The following TC2N variants were observed in gnomAD, a reference collection of about 807,000 sequenced individuals.
TC2N encodes tandem C2 domains nuclear protein.
TC2N carries 51 observed loss-of-function variants against 61.9 expected under a neutral mutation model. The ratio of observed to expected loss-of-function variants is 0.82; its 90% CI spans 0.66 to 1.04. TC2N has a LOEUF of 1.04. Ranked by LOEUF, TC2N falls within the 50% of genes least tolerant of loss-of-function variation. TC2N has a pLI of 0.00. For missense variants in TC2N, 556 were observed against 566.7 expected (o/e 0.98, Z 0.19); for synonymous variants, 204 against 192.6 (o/e 1.06, Z -0.49).
chr14:91,836,001 G>T (rs895660120), intron 1 of TC2N, among the ~76,000 whole-genome samples: 1 of 152,030 alleles, frequency 6.6e-6, no homozygotes, highest in African/African-American at 2.4e-5. Flanking sequence ...ACCTAGCCTC[G>T]CCCCGTCGCC....
intron 3 of TC2N, among the ~76,000 whole-genome samples, chr14:91,811,179 T>C (rs1254581085): frequency 6.6e-6 from 1 of 152,136 alleles, no homozygotes; most frequent in Non-Finnish European, 1.5e-5. Flanking sequence ...TATATATGTT[T>C]AAGTGTTTGC....
In TC2N at chr14:91,782,834, T is replaced by A; in HGVS notation, c.*266A>T. Reference sequence around the variant, plus strand: ...ATGGTTGATATTCTCACAGACTTTATAATTTATTTAGTCATCCTAATAATA... The same window carrying A: ...ATGGTTGATATTCTCACAGACTTTAAAATTTATTTAGTCATCCTAATAATA... On this transcript the variant is annotated 3_prime_UTR_variant, in exon 12 of 12. Transcript: ENST00000435962. The A allele has an allele frequency of 2.9e-6, 1 of 347,388 alleles. No individual in the cohort carries two copies. Among genetic ancestry groups the A allele is most frequent in the Non-Finnish European group, 5.2e-6 (1 of 192,166 alleles). The allele number at this position is 347,388 out of a possible 1,614,324, so 21.5% of individuals were successfully genotyped here.
At chr14:91,851,934 T>C (rs1271549437) in intron 1 of TC2N, among the ~76,000 whole-genome samples, 2 of 152,262 alleles carry the variant, frequency 1.3e-5, no homozygotes, top group Non-Finnish European at 2.9e-5. Flanking sequence ...AAAAGTATTT[T>C]CTGAATTATC....
intron 8 of TC2N, among the ~76,000 whole-genome samples, chr14:91,796,884 T>C (rs1885923853): frequency 6.6e-6 from 1 of 152,146 alleles, no homozygotes; most frequent in Non-Finnish European, 1.5e-5. Flanking sequence ...GGTACACCAT[T>C]AGGTTTTTCA....
intron 8 of TC2N, among the ~76,000 whole-genome samples, chr14:91,797,327 A>C (rs2896186): frequency 0.64 from 97,096 of 151,714 alleles, 31,434 homozygotes; most frequent in South Asian, 0.72. Flanking sequence ...TAACCTATAA[A>C]AAGTGACAGA....
intron 1 of TC2N, among the ~76,000 whole-genome samples, chr14:91,856,699 C>A (rs60988518): frequency 0.031 from 4,642 of 152,124 alleles, 257 homozygotes; most frequent in African/African-American, 0.11. Context: ...GCCTTTAGAC[C>A]GAAGAGGCAG....
Position 91,852,044 on chromosome 14 carries a change from G to A in TC2N, c.-57+15218C>T, listed in dbSNP as rs543498030. ...TCAATGCTTCAATAAGTTAATCACAGGTACTAGATTCCCATAATGTAAATT... is the reference window on the plus strand; with the variant it reads ...TCAATGCTTCAATAAGTTAATCACAAGTACTAGATTCCCATAATGTAAATT... On this transcript the variant is annotated intron_variant, in intron 1 of 11. Transcript: ENST00000435962. Among the ~76,000 whole-genome samples the A allele has an allele frequency of 2.6e-5, 4 of 152,240 alleles. No individual in the cohort carries two copies. The East Asian group carries it at 7.7e-4, about 29-fold the overall frequency.
chr14:91,788,218 A>C (rs901359919), intron 9 of TC2N, among the ~76,000 whole-genome samples: 1 of 152,136 alleles, frequency 6.6e-6, no homozygotes, highest in Non-Finnish European at 1.5e-5. Context: ...GGTCAAAGAA[A>C]ACCTGAGGCA....
intron 1 of TC2N, among the ~76,000 whole-genome samples, chr14:91,852,485 C>T (rs4904819): frequency 0.49 from 74,048 of 151,644 alleles, 18,357 homozygotes; most frequent in African/African-American, 0.57. Context: ...GGGAAACCTG[C>T]CTTTGATCAC....
At chr14:91,835,738 C>T (rs144878650) in intron 1 of TC2N, among the ~76,000 whole-genome samples, 71 of 152,374 alleles carry the variant, frequency 4.7e-4, no homozygotes, top group African/African-American at 1.6e-3. Flanking sequence ...CACCCTTTCG[C>T]CACTTCACAA....
At chr14:91,822,113 T>C (rs1269090795) in intron 1 of TC2N, among the ~76,000 whole-genome samples, 1 of 152,188 alleles carries the variant, frequency 6.6e-6, no homozygotes, top group Admixed American at 6.5e-5. Context: ...GTTGAACATA[T>C]ACCTGCTACA....
At chr14:91,794,917 A>G (rs1235890471) in intron 8 of TC2N, among the ~76,000 whole-genome samples, 1 of 152,214 alleles carries the variant, frequency 6.6e-6, no homozygotes, top group East Asian at 1.9e-4. Context: ...CTTTTTAGAA[A>G]GGATTCAGGA....
chr14:91,815,228 AGT>A (rs1305563081), intron 1 of TC2N, among the ~76,000 whole-genome samples: 3 of 151,564 alleles, frequency 2.0e-5, no homozygotes, highest in Non-Finnish European at 3.0e-5. Context: ...TTCAAGCAAA[AGT>A]TAAAAGAAAA....
At chr14:91,815,537 T>C (rs921679926) in intron 1 of TC2N, among the ~76,000 whole-genome samples, 1 of 151,736 alleles carries the variant, frequency 6.6e-6, no homozygotes, top group Non-Finnish European at 1.5e-5. Context: ...TTGGTCTCAG[T>C]GCCTTTGTTC....
chr14:91,820,669 C>T (rs1294135665), intron 1 of TC2N, among the ~76,000 whole-genome samples: 2 of 150,580 alleles, frequency 1.3e-5, no homozygotes, highest in Admixed American at 1.3e-4. Context: ...AGAAGTAAAA[C>T]ACTCTTCATT....
intron 1 of TC2N, among the ~76,000 whole-genome samples, chr14:91,829,295 A>G (rs1168898545): frequency 6.6e-6 from 1 of 151,970 alleles, no homozygotes; most frequent in Non-Finnish European, 1.5e-5. Context: ...CAGAAATTCT[A>G]GTTTATTAGA....
At chr14:91,861,451 G>A (rs1055001201) in intron 1 of TC2N, among the ~76,000 whole-genome samples, 1 of 152,254 alleles carries the variant, frequency 6.6e-6, no homozygotes, top group Non-Finnish European at 1.5e-5. Context: ...CTTGGACCCA[G>A]CTTTGCTTTC....
chr14:91,838,759 A>G (rs765148077), intron 1 of TC2N, among the ~76,000 whole-genome samples: 10 of 152,174 alleles, frequency 6.6e-5, no homozygotes, highest in Non-Finnish European at 1.5e-4. Context: ...ATCTTAAAAC[A>G]TTTTCCTAGA....
At chr14:91,858,176 A>G (rs1282005146) in intron 1 of TC2N, among the ~76,000 whole-genome samples, 2 of 51,814 alleles carry the variant, frequency 3.9e-5, no homozygotes, top group African/African-American at 1.1e-4. Context: ...TTTTTTTGGT[A>G]AAGATGGGGT....
Sources: gnomAD v4.1 joint callset for allele counts (sites outside exome capture counted in the v4.1 genomes callset) on GRCh38, gnomAD v4.1.1 for gene constraint, MANE v1.5 for transcripts, NCBI Gene and HGNC (gene_info 2026-07-23, HGNC 2026-07-21) for gene names.